Variants in LY96 observed in about 807,000 individuals in gnomAD.
LY96 encodes myeloid differentiation protein-2.
A neutral mutation model predicts 18.9 loss-of-function variants in LY96; 18 were observed. That is an observed-to-expected ratio of 0.95 (90% CI 0.66 to 1.41). The LOEUF (loss-of-function observed/expected upper bound fraction) is 1.41, where lower values mean the gene tolerates loss of function less well. Ranked by LOEUF, LY96 falls within the 40% of genes most tolerant of loss-of-function variation. The pLI is 0.00. For missense variants in LY96, 175 were observed against 182.4 expected, an observed-to-expected ratio of 0.96 and a Z score of 0.23; for synonymous variants, 66 against 62.6, an observed-to-expected ratio of 1.06 and a Z score of -0.26.
At chr8:74,051,409 G>T in the LY96 span, among the ~76,000 whole-genome samples, 1 of 152,158 alleles carries the variant, frequency 6.6e-6, no homozygotes, top group Non-Finnish European at 1.5e-5. Context: ...ATTGTCCAGT[G>T]ACTGCTCAGA....
At chr8:74,043,001 T>C in the LY96 span, among the ~76,000 whole-genome samples, 1 of 152,186 alleles carries the variant, frequency 6.6e-6, no homozygotes, top group South Asian at 2.1e-4. Context: ...GGTCTCAATC[T>C]CTTGACCTCA....
chr8:74,094,430 T>C, the LY96 span, among the ~76,000 whole-genome samples: 2 of 152,242 alleles, frequency 1.3e-5, no homozygotes, highest in African/African-American at 2.4e-5. Flanking sequence ...AACAAATTGA[T>C]GATATTTGAA....
chr8:74,022,277 CAT>C (rs1563719434), intron 3 of LY96, among the ~76,000 whole-genome samples: 1 of 151,782 alleles, frequency 6.6e-6, no homozygotes, highest in Non-Finnish European at 1.5e-5. Context: ...TGTGGTAGCA[CAT>C]GTTTGTAATC....
the LY96 span, among the ~76,000 whole-genome samples, chr8:74,059,955 G>A: frequency 5.9e-5 from 9 of 152,158 alleles, no homozygotes; most frequent in Non-Finnish European, 1.0e-4. Context: ...CCTGGGCAAC[G>A]TGGTGAAACC....
At chr8:74,095,477 C>T in the LY96 span, among the ~76,000 whole-genome samples, 4 of 152,250 alleles carry the variant, frequency 2.6e-5, no homozygotes, top group African/African-American at 9.6e-5. Flanking sequence ...TCTATCCTTC[C>T]TGTGGGGAAA....
chr8:74,007,411 AT>A (rs1158980172), intron 2 of LY96, among the ~76,000 whole-genome samples: 1 of 152,206 alleles, frequency 6.6e-6, no homozygotes, highest in Non-Finnish European at 1.5e-5. Flanking sequence ...TAACAAAATA[AT>A]TATTCAGTCA....
intron 1 of LY96, among the ~76,000 whole-genome samples, chr8:73,995,091 G>A (rs776885609): frequency 1.3e-5 from 2 of 152,166 alleles, no homozygotes; most frequent in Non-Finnish European, 2.9e-5. Flanking sequence ...TTGAGGGAGT[G>A]AGTTTCTCAT....
At chr8:73,993,591 C>T (rs1348104415) in intron 1 of LY96, among the ~76,000 whole-genome samples, 1 of 151,946 alleles carries the variant, frequency 6.6e-6, no homozygotes, top group African/African-American at 2.4e-5. Flanking sequence ...TATAGGTGCC[C>T]ACCACCACAC....
the LY96 span, among the ~76,000 whole-genome samples, chr8:74,062,794 T>G: frequency 6.6e-6 from 1 of 152,232 alleles, no homozygotes; most frequent in Non-Finnish European, 1.5e-5. Flanking sequence ...GTCGCATGAC[T>G]AGTCACTGGC....
At chr8:74,077,808 G>A in the LY96 span, among the ~76,000 whole-genome samples, 1 of 151,970 alleles carries the variant, frequency 6.6e-6, no homozygotes, top group African/African-American at 2.4e-5. Context: ...ATACCTCATT[G>A]GTAAAAGAGG....
intron 3 of LY96, among the ~76,000 whole-genome samples, chr8:74,020,097 G>T (rs1334827117): frequency 6.6e-6 from 1 of 152,148 alleles, no homozygotes; most frequent in Admixed American, 6.6e-5. Flanking sequence ...AAGAAATAAA[G>T]GGTATTCAAT....
chr8:74,007,087 C>T (rs1033304242), intron 2 of LY96, among the ~76,000 whole-genome samples: 1 of 152,252 alleles, frequency 6.6e-6, no homozygotes, highest in Non-Finnish European at 1.5e-5. Flanking sequence ...CCCTGAGACA[C>T]TCTTGGGCTG....
chr8:73,996,381 CTTT>C (rs1563707910), intron 1 of LY96, among the ~76,000 whole-genome samples: 20 of 42,270 alleles, frequency 4.7e-4, no homozygotes, highest in South Asian at 2.0e-3. Context: ...TCCTTTCTTT[CTTT>C]CTTTCTTTCT....
chr8:74,049,164 C>T, the LY96 span, among the ~76,000 whole-genome samples: 1 of 152,122 alleles, frequency 6.6e-6, no homozygotes, highest in Non-Finnish European at 1.5e-5. Flanking sequence ...GTGTTTTTGC[C>T]CACCATTGTA....
At chr8:74,033,726 A>C (rs2131291046), downstream of LY96, among the ~76,000 whole-genome samples, 1 of 152,340 alleles carries the variant, frequency 6.6e-6, no homozygotes, top group South Asian at 2.1e-4. Context: ...TTTCTTTTGA[A>C]TTATTTATTG....
At chr8:74,049,818 A>G in the LY96 span, among the ~76,000 whole-genome samples, 2 of 152,162 alleles carry the variant, frequency 1.3e-5, no homozygotes, top group African/African-American at 4.8e-5. Flanking sequence ...GTAGCTGTCA[A>G]TAGAGATTAA....
chr8:74,089,755 T>TG, the LY96 span, among the ~76,000 whole-genome samples: 62 of 57,514 alleles, frequency 1.1e-3, no homozygotes, highest in African/African-American at 2.9e-3. Context: ...AAATGGGGGG[T>TG]GGGGGGGATA....
the LY96 span, among the ~76,000 whole-genome samples, chr8:74,057,889 G>T: frequency 6.6e-6 from 1 of 152,300 alleles, no homozygotes; most frequent in African/African-American, 2.4e-5. Context: ...ATAAAAATGC[G>T]GAATAGAAGG....
intron 3 of LY96, among the ~76,000 whole-genome samples, chr8:74,013,654 T>C (rs1563715839): frequency 1.3e-5 from 2 of 152,000 alleles, no homozygotes; most frequent in African/African-American, 2.4e-5. Context: ...AAGCCTTCAA[T>C]AGAGTATTTT....
Sources: allele counts gnomAD v4.1 joint callset (sites outside exome capture counted in the v4.1 genomes callset), GRCh38; gene constraint gnomAD v4.1.1; transcripts MANE v1.5; gene names NCBI Gene and HGNC (gene_info 2026-07-23, HGNC 2026-07-21).